TRIM40: variants seen among roughly 807,000 people sequenced by gnomAD.
The protein encoded by TRIM40 is tripartite motif containing 40, also known as E3 ubiquitin ligase TRIM40.
A neutral mutation model predicts 26.1 loss-of-function variants in TRIM40; 27 were observed. The observed-to-expected ratio is 1.04, with a 90% CI of 0.76 to 1.43. TRIM40 has a LOEUF of 1.43. Ranked by LOEUF, TRIM40 falls within the 40% of genes most tolerant of loss-of-function variation. The probability of loss-of-function intolerance (pLI) is 0.00; values close to 1 mark genes in which losing one functional copy is unlikely to be tolerated. For synonymous variants in TRIM40, 114 were observed against 120.0 expected, an observed-to-expected ratio of 0.95 and a Z score of 0.33; for missense variants, 289 against 307.9, an observed-to-expected ratio of 0.94 and a Z score of 0.46.
In TRIM40 at chr6:30,148,103, A is replaced by G; in HGVS notation, c.*291A>G. On this transcript the variant is annotated 3_prime_UTR_variant, in exon 6 of 6. Coordinates refer to ENST00000396581, the MANE Select transcript of TRIM40 (RefSeq NM_001286633.2). ...TGTGAAATCTCCATTTTGCCTGTAA[A>G]CTGATGGTAGTGCCCATCTCTCACA... 1 of 522,090 alleles carries G rather than the reference A, an allele frequency of 1.9e-6. No homozygotes were observed. Among genetic ancestry groups the G allele is most frequent in the South Asian group, 2.7e-5 (1 of 37,710 alleles). The allele number at this position is 522,090 out of a possible 1,614,324, so 32.3% of individuals were successfully genotyped here.
chr6:30,137,936 C>T (rs1771112208), intron 2 of TRIM40, among the ~76,000 whole-genome samples: 1 of 152,138 alleles, frequency 6.6e-6, no homozygotes, highest in Non-Finnish European at 1.5e-5. Context: ...ATTCAGAAAG[C>T]ACTGAAAGGT....
At chr6:30,137,422 G>A (rs761920178) in intron 2 of TRIM40, 41 bp downstream of exon 2, 21 of 1,537,662 alleles carry the variant, frequency 1.4e-5, no homozygotes, top group African/African-American at 4.1e-5. Flanking sequence ...CCTCCACCTC[G>A]CTGAGGTGCT....
chr6:30,147,546 C>T lies in TRIM40; in HGVS notation c.689+4C>T, dbSNP rs1005754268. The T allele has an allele frequency of 5.0e-6, 8 of 1,614,050 alleles. No individual in the cohort carries two copies. The highest frequency in any genetic ancestry group is 4.0e-5 in the African/African-American group (3 of 74,918). ...ATGCTGGTGACTTACTGAACAGGTA[C>T]GAGCTGTCCCTTCTTCTTTCCCACA... On this transcript the variant is annotated splice_donor_region_variant and intron_variant, in intron 5 of 5. Transcript: ENST00000396581.
intron 2 of TRIM40, among the ~76,000 whole-genome samples, chr6:30,138,504 C>T (rs56908820): frequency 0.011 from 1,668 of 152,258 alleles, 25 homozygotes; most frequent in African/African-American, 0.033. Context: ...TTCTTGCATA[C>T]TGCCTTGATT....
intron 4 of TRIM40, 100 bp from the exon 5 acceptor site, chr6:30,147,420 T>G: frequency 6.4e-7 from 1 of 1,569,594 alleles, no homozygotes; most frequent in Non-Finnish European, 8.8e-7. Flanking sequence ...GTTCTCAAGG[T>G]GGCACCCCAG....
At chr6:30,138,396 G>C (rs2127420242) in intron 2 of TRIM40, among the ~76,000 whole-genome samples, 1 of 152,270 alleles carries the variant, frequency 6.6e-6, no homozygotes, top group African/African-American at 2.4e-5. Context: ...GTTTTTCCAA[G>C]TTATAATCAA....
In TRIM40 at chr6:30,147,443, G is replaced by A. The variant is rs934449201; in HGVS notation, c.667-77G>A. Reference sequence around the variant, plus strand: ...GGTGGCACCCCAGAGTGGCCTCCAAGAGTGAATTGGGAAAGGAATTTGGAG... The same window carrying A: ...GGTGGCACCCCAGAGTGGCCTCCAAAAGTGAATTGGGAAAGGAATTTGGAG... On this transcript the variant is annotated intron_variant, in intron 4 of 5. Transcript: ENST00000396581. 1.9e-6 allele frequency: 3 copies of A among 1,608,630 alleles called. No homozygotes were observed. The African/African-American group carries it at 4.0e-5, about 21-fold the overall frequency.
In TRIM40 at chr6:30,142,421, T is replaced by C. The variant is rs914595761; in HGVS notation, c.346-3573T>C. On this transcript the variant is annotated intron_variant, in intron 2 of 5. Transcript: ENST00000396581. ...TCCATGAAGACTCGCTGTCTGCATT[T>C]TCCCCTAGAATCAGGGCATAAATTC... Among the ~76,000 whole-genome samples, 3 of 152,338 alleles carry C rather than the reference T, an allele frequency of 2.0e-5. 1 individual carries two copies. The highest frequency in any genetic ancestry group is 6.5e-5 in the Admixed American group (1 of 15,300).
intron 2 of TRIM40, among the ~76,000 whole-genome samples, chr6:30,143,871 A>G (rs2127424871): frequency 6.6e-6 from 1 of 152,150 alleles, no homozygotes; most frequent in Non-Finnish European, 1.5e-5. Context: ...TATCTTTATT[A>G]CTGTTATCTT....
chr6:30,144,926 C>G (rs1307846850), intron 2 of TRIM40, among the ~76,000 whole-genome samples: 4 of 152,198 alleles, frequency 2.6e-5, no homozygotes, highest in Non-Finnish European at 4.4e-5. Flanking sequence ...CCATTTATTA[C>G]TTCCCACTCC....
chr6:30,143,431 CTTT>C (rs9278593), intron 2 of TRIM40, among the ~76,000 whole-genome samples: 1,887 of 116,444 alleles, frequency 0.016, 25 homozygotes, highest in Middle Eastern at 0.056. Context: ...GTTAATTTTT[CTTT>C]TTTTTTTTTT....
chr6:30,144,992 C>G (rs551084129), intron 2 of TRIM40, among the ~76,000 whole-genome samples: 1 of 152,152 alleles, frequency 6.6e-6, no homozygotes, highest in Non-Finnish European at 1.5e-5. Flanking sequence ...CACCCAGTGA[C>G]GTGACACGTT....
rs754246338 is a variant in TRIM40 at position 30,137,236 on chromosome 6, C to G, written c.200C>G (p.Thr67Arg). The part of the protein sequence containing the change: ...RKPCSEEVLG[T>R]GYICPNHQKR... ...CCCTGTTCTGAGGAGGTGCTAGGGA[C>G]AGGCTATATCTGCCCCAACCACCAG... The change falls in exon 2 of 6, where the codon ACA (threonine) becomes AGA (arginine). Residue 67 changes from threonine (T) to arginine (R), a missense_variant. Thr to Arg is a moderately conservative substitution (Grantham distance 71). Coordinates refer to ENST00000396581, the MANE Select transcript of TRIM40 (RefSeq NM_001286633.2). The G allele has an allele frequency of 6.2e-7, 1 of 1,613,090 alleles. No homozygotes were observed. Among genetic ancestry groups the G allele is most frequent in the South Asian group, 1.1e-5 (1 of 91,076 alleles).
At chr6:30,141,476 A>G (rs2127422876) in intron 2 of TRIM40, among the ~76,000 whole-genome samples, 1 of 152,320 alleles carries the variant, frequency 6.6e-6, no homozygotes. Context: ...AGGAGACAGG[A>G]TGAGTTGCCA....
chr6:30,140,001 C>T (rs1771251940), intron 2 of TRIM40, among the ~76,000 whole-genome samples: 1 of 152,112 alleles, frequency 6.6e-6, no homozygotes. Flanking sequence ...TAGAGAAATG[C>T]AAATCAAAAC....
chr6:30,144,675 C>T (rs564292281), intron 2 of TRIM40, among the ~76,000 whole-genome samples: 13 of 152,184 alleles, frequency 8.5e-5, no homozygotes, highest in African/African-American at 2.9e-4. Flanking sequence ...TCTCAGGTGA[C>T]TTTGGAGAGA....
chr6:30,145,926 C>A, intron 2 of TRIM40, 68 bp from the exon 3 acceptor site: 1 of 1,245,028 alleles, frequency 8.0e-7, no homozygotes, highest in Non-Finnish European at 1.2e-6. Flanking sequence ...TACCGTGTTC[C>A]ATTGACTCCT....
At chr6:30,137,529 C>T in intron 2 of TRIM40, 148 bp downstream of exon 2, 1 of 702,666 alleles carries the variant, frequency 1.4e-6, no homozygotes, top group East Asian at 2.7e-5. Flanking sequence ...GGACCCTTGT[C>T]TTGCTTTTCT....
At chr6:30,145,598 G>A (rs145660349) in intron 2 of TRIM40, among the ~76,000 whole-genome samples, 143 of 152,242 alleles carry the variant, frequency 9.4e-4, no homozygotes, top group Middle Eastern at 3.4e-3. Flanking sequence ...GGTAGCAGAG[G>A]GTTGCCATTT....
Sources: allele counts gnomAD v4.1 joint callset (sites outside exome capture counted in the v4.1 genomes callset), GRCh38; gene constraint gnomAD v4.1.1; transcripts MANE v1.5; gene names NCBI Gene and HGNC (gene_info 2026-07-23, HGNC 2026-07-21).